Variants in CCDC178 observed in about 807,000 individuals in gnomAD.
CCDC178 encodes coiled-coil domain-containing protein 178.
CCDC178 carries 126 observed loss-of-function variants against 117.4 expected under a neutral mutation model. The observed-to-expected ratio is 1.07, with a 90% CI of 0.93 to 1.24. CCDC178 has a LOEUF of 1.24. CCDC178 is among the 50% of genes most tolerant of loss of function. The pLI is 0.00. For missense variants in CCDC178, 1,030 were observed against 986.9 expected (o/e 1.04, Z -0.59); for synonymous variants, 283 against 313.4 (o/e 0.90, Z 1.02).
intron 12 of CCDC178, among the ~76,000 whole-genome samples, chr18:33,270,196 GA>G (rs1005970996): frequency 2.0e-5 from 3 of 146,602 alleles, no homozygotes; most frequent in Non-Finnish European, 4.5e-5. Context: ...CTAAAGAACA[GA>G]AAAAAAAATA....
Position 33,297,769 on chromosome 18 carries a change from C to T in CCDC178, c.1023-4457G>A, listed in dbSNP as rs553956478. On this transcript the variant is annotated intron_variant, in intron 11 of 22. Transcript: ENST00000383096. ...TAAAGAAGAAACAACTGGCCAGGCACAGTGGCTCACGCCTGTAATCCCAGC... is the reference window on the plus strand; with the variant it reads ...TAAAGAAGAAACAACTGGCCAGGCATAGTGGCTCACGCCTGTAATCCCAGC... 5.9e-5 allele frequency among the ~76,000 whole-genome samples: 9 copies of T among 152,186 alleles called. No individual in the cohort carries two copies. The South Asian group carries it at 1.4e-3, about 25-fold the overall frequency.
chr18:33,051,759 C>A (rs998037004), intron 21 of CCDC178, among the ~76,000 whole-genome samples: 5 of 152,134 alleles, frequency 3.3e-5, no homozygotes, highest in African/African-American at 1.2e-4. Flanking sequence ...GTCAGCAAAA[C>A]CTCCTTAGAT....
chr18:33,009,910 C>T (rs2055829015), intron 21 of CCDC178, among the ~76,000 whole-genome samples: 1 of 152,096 alleles, frequency 6.6e-6, no homozygotes, highest in South Asian at 2.1e-4. Context: ...TTTTTAGAAC[C>T]ATTGACAGAA....
At position 33,223,093 on chromosome 18, in the gene CCDC178, C is replaced by A; in HGVS notation, c.1932+13G>T. ...TGTAAATTCAAAATTAGATTCTGAA[C>A]TTAAATTCTTACCTCAGTTTCTATT... On this transcript the variant is annotated intron_variant, in intron 18 of 22. Transcript: ENST00000383096. 6.4e-7 allele frequency: 1 copy of A among 1,553,786 alleles called. No individual in the cohort carries two copies. The highest frequency in any genetic ancestry group is 2.3e-5 in the East Asian group (1 of 44,196).
At chr18:32,979,865 A>G (rs1052293286) in intron 21 of CCDC178, among the ~76,000 whole-genome samples, 1 of 152,218 alleles carries the variant, frequency 6.6e-6, no homozygotes, top group African/African-American at 2.4e-5. Context: ...AGGATCATCC[A>G]AAGAGAGCAT....
At chr18:33,297,425 AT>A (rs1205130730) in intron 11 of CCDC178, among the ~76,000 whole-genome samples, 3 of 152,170 alleles carry the variant, frequency 2.0e-5, no homozygotes, top group African/African-American at 4.8e-5. Context: ...CGGACAAATC[AT>A]TAGGTAGATT....
intron 20 of CCDC178, among the ~76,000 whole-genome samples, chr18:33,187,443 C>G (rs949370034): frequency 6.6e-6 from 1 of 152,080 alleles, no homozygotes; most frequent in Non-Finnish European, 1.5e-5. Flanking sequence ...TAATGTCAAT[C>G]CCCTTCAGAG....
At chr18:33,124,245 T>C (rs1266603778) in intron 20 of CCDC178, among the ~76,000 whole-genome samples, 17 of 152,128 alleles carry the variant, frequency 1.1e-4, no homozygotes, top group Non-Finnish European at 5.9e-5. Context: ...TCCAACAAAC[T>C]ACAATGCACT....
chr18:33,345,680 C>T (rs1311796833), intron 9 of CCDC178, among the ~76,000 whole-genome samples: 1 of 152,178 alleles, frequency 6.6e-6, no homozygotes, highest in Non-Finnish European at 1.5e-5. Context: ...TGTTTGCATG[C>T]TCTGTGGGTA....
chr18:33,233,695 G>A (rs1226753551), intron 15 of CCDC178, among the ~76,000 whole-genome samples: 6 of 151,838 alleles, frequency 4.0e-5, no homozygotes, highest in Non-Finnish European at 7.4e-5. Flanking sequence ...CAGGTTGAAT[G>A]TTTTATACAC....
intron 22 of CCDC178, among the ~76,000 whole-genome samples, chr18:32,973,274 GACAA>G (rs2054966091): frequency 6.6e-6 from 1 of 151,924 alleles, no homozygotes; most frequent in Non-Finnish European, 1.5e-5. Context: ...AAAACATTTG[GACAA>G]AAATATAGAT....
At chr18:33,250,728 A>G (rs1280213450) in intron 14 of CCDC178, among the ~76,000 whole-genome samples, 1 of 151,712 alleles carries the variant, frequency 6.6e-6, no homozygotes, top group East Asian at 1.9e-4. Context: ...ATAGATAGGT[A>G]GCAGGTGTAT....
At chr18:33,360,452 A>T (rs951676698) in intron 6 of CCDC178, among the ~76,000 whole-genome samples, 6 of 151,570 alleles carry the variant, frequency 4.0e-5, no homozygotes, top group Admixed American at 2.6e-4. Context: ...TACAATGTGG[A>T]TCGACCTCCC....
chr18:33,014,407 G>C (rs939772308), intron 21 of CCDC178, among the ~76,000 whole-genome samples: 2 of 152,176 alleles, frequency 1.3e-5, no homozygotes, highest in Non-Finnish European at 2.9e-5. Flanking sequence ...CTAGCAAGAG[G>C]CTAACTGAAA....
At chr18:33,114,873 T>C (rs951317209) in intron 20 of CCDC178, among the ~76,000 whole-genome samples, 2 of 152,038 alleles carry the variant, frequency 1.3e-5, no homozygotes, top group African/African-American at 4.8e-5. Flanking sequence ...AAAGTTTTTA[T>C]GTAATGAGCC....
intron 21 of CCDC178, among the ~76,000 whole-genome samples, chr18:33,077,850 T>C (rs2057235996): frequency 6.6e-6 from 1 of 152,148 alleles, no homozygotes; most frequent in African/African-American, 2.4e-5. Context: ...CTACCAGGTG[T>C]ACAAGGAAGA....
intron 5 of CCDC178, among the ~76,000 whole-genome samples, chr18:33,386,407 AAAC>A (rs1005671698): frequency 7.9e-5 from 12 of 151,956 alleles, no homozygotes; most frequent in Middle Eastern, 3.4e-3. Context: ...ACAACAACAA[AAAC>A]AACAACAACA....
At chr18:33,189,624 AC>A (rs1238622934) in intron 20 of CCDC178, among the ~76,000 whole-genome samples, 1 of 152,158 alleles carries the variant, frequency 6.6e-6, no homozygotes, top group Non-Finnish European at 1.5e-5. Flanking sequence ...CAATTGGCAT[AC>A]TTTTGTTGTA....
intron 2 of CCDC178, among the ~76,000 whole-genome samples, chr18:33,437,383 T>C (rs2064306763): frequency 6.6e-6 from 1 of 152,242 alleles, no homozygotes; most frequent in African/African-American, 2.4e-5. Context: ...GTTCTTTTAC[T>C]GTCTGTTCAA....
Sources: gnomAD v4.1 joint callset for allele counts (sites outside exome capture counted in the v4.1 genomes callset) on GRCh38, gnomAD v4.1.1 for gene constraint, MANE v1.5 for transcripts, NCBI Gene and HGNC (gene_info 2026-07-23, HGNC 2026-07-21) for gene names.